The following ARHGAP44 variants were observed in gnomAD, a reference collection of about 807,000 sequenced individuals.
The protein encoded by ARHGAP44 is Rho GTPase activating protein 44, also known as rho GTPase-activating protein 44.
A neutral mutation model predicts 106.8 loss-of-function variants in ARHGAP44; 43 were observed. That is an observed-to-expected ratio of 0.40 (90% CI 0.32 to 0.52). The LOEUF (loss-of-function observed/expected upper bound fraction) is 0.52. Among genes scored for constraint, ARHGAP44 ranks in the 20% least tolerant of loss-of-function variants. ARHGAP44 has a pLI of 0.48. For missense variants in ARHGAP44, 866 were observed against 1,050.5 expected (o/e 0.82, Z 2.43); for synonymous variants, 439 against 410.3 (o/e 1.07, Z -0.85).
Position 12,955,848 on chromosome 17 carries a change from C to T in ARHGAP44, c.1137-19C>T, listed in dbSNP as rs1361102584. ...GTGTTGAGCCTTGGTTAAACCTGGC[C>T]CTTCTAATTTTCTTTTAGATACTTG... On this transcript the variant is annotated intron_variant, in intron 13 of 20. Transcript: ENST00000379672. The T allele has an allele frequency of 6.5e-7, 1 of 1,540,316 alleles. No homozygotes were observed. Among genetic ancestry groups the T allele is most frequent in the Admixed American group, 1.7e-5 (1 of 57,994 alleles).
At chr17:12,968,076 C>T (rs752859302) in intron 16 of ARHGAP44, among the ~76,000 whole-genome samples, 1 of 152,202 alleles carries the variant, frequency 6.6e-6, no homozygotes, top group Non-Finnish European at 1.5e-5. Context: ...GAGCAAAGCT[C>T]AGCACATGGT....
At chr17:12,906,988 A>C (rs2037570016) in intron 3 of ARHGAP44, among the ~76,000 whole-genome samples, 1 of 152,108 alleles carries the variant, frequency 6.6e-6, no homozygotes, top group African/African-American at 2.4e-5. Context: ...AGGAAAGAAG[A>C]AGAAAAGAGA....
At chr17:12,950,664 G>A (rs934022441) in intron 12 of ARHGAP44, among the ~76,000 whole-genome samples, 1 of 152,134 alleles carries the variant, frequency 6.6e-6, no homozygotes, top group African/African-American at 2.4e-5. Context: ...CAACAGCAGG[G>A]TGGGAGAATT....
intron 1 of ARHGAP44, among the ~76,000 whole-genome samples, chr17:12,811,034 C>T (rs1317808383): frequency 4.3e-4 from 66 of 151,964 alleles, no homozygotes; most frequent in Admixed American, 6.6e-5. Flanking sequence ...AAATCATGGC[C>T]GGGTGCGGTG....
chr17:12,952,772 C>T (rs1299297716), intron 13 of ARHGAP44, among the ~76,000 whole-genome samples, 191 bp downstream of exon 13: 1 of 124,438 alleles, frequency 8.0e-6, no homozygotes, highest in East Asian at 2.5e-4. Context: ...CTCACTGTGT[C>T]GCCCAGGCTG....
In ARHGAP44 at chr17:12,941,136, GA is replaced by G; in HGVS notation, c.651+15del. 1 of 1,613,308 alleles carries G rather than the reference GA, an allele frequency of 6.2e-7. No homozygotes were observed. The highest frequency in any genetic ancestry group is 1.3e-5 in the African/African-American group (1 of 75,034). The stretch of plus-strand genomic sequence containing the variant: ...ACTACTTTCAAACGGTAAGTGCCCA[GA>G]AAGGTGAGATTGCTTAAAGGCTGTT... On this transcript the variant is annotated intron_variant, in intron 8 of 20. Transcript: ENST00000379672.
intron 6 of ARHGAP44, among the ~76,000 whole-genome samples, chr17:12,924,793 A>G (rs890338076): frequency 1.3e-5 from 2 of 152,216 alleles, no homozygotes; most frequent in African/African-American, 4.8e-5. Flanking sequence ...TGCAAGTCAC[A>G]GATAGAGGTC....
rs540713278 is a variant in ARHGAP44, at chr17:12,933,887, C to T, written c.582+4841C>T. ...TTTTTGAGACGGTGTCTGGCTCTGT[C>T]GCCCAGGCTGGAGTGTGGTGGCACG... On this transcript the variant is annotated intron_variant, in intron 7 of 20. Transcript: ENST00000379672. Among the ~76,000 whole-genome samples, 10 of 147,140 alleles carry T rather than the reference C, an allele frequency of 6.8e-5. No individual in the cohort carries two copies. The East Asian group carries it at 1.6e-3, about 24-fold the overall frequency.
Position 12,981,400 on chromosome 17 carries a change from CTTT to C in ARHGAP44, c.1939+1179_1939+1181del, listed in dbSNP as rs113607267. 8.3e-3 allele frequency among the ~76,000 whole-genome samples: 1,212 copies of C among 145,816 alleles called. 54 individuals carry two copies. The East Asian group carries it at 0.13, about 15-fold the overall frequency. On this transcript the variant is annotated intron_variant, in intron 19 of 20. Coordinates refer to ENST00000379672, the MANE Select transcript of ARHGAP44 (RefSeq NM_014859.6). ...CTAGATGCCATATTCTTGGTTATGTCTTTTTTTTTTTTTTGAGACGAAGTCTTG... is the reference window on the plus strand; with the variant it reads ...CTAGATGCCATATTCTTGGTTATGTCTTTTTTTTTTTGAGACGAAGTCTTG...
chr17:12,935,069 G>A (rs1209574383), intron 7 of ARHGAP44, among the ~76,000 whole-genome samples: 1 of 152,154 alleles, frequency 6.6e-6, no homozygotes, highest in Non-Finnish European at 1.5e-5. Flanking sequence ...ATATCGGACA[G>A]AACTTAGATC....
chr17:12,829,992 T>C (rs968858137), intron 1 of ARHGAP44, among the ~76,000 whole-genome samples: 5 of 152,202 alleles, frequency 3.3e-5, no homozygotes, highest in Non-Finnish European at 7.3e-5. Flanking sequence ...TCAGTAAATA[T>C]TAGAATAAAT....
At chr17:12,854,050 C>T (rs2150853454) in intron 1 of ARHGAP44, among the ~76,000 whole-genome samples, 1 of 152,316 alleles carries the variant, frequency 6.6e-6, no homozygotes, top group East Asian at 1.9e-4. Flanking sequence ...TGCCTTGTGG[C>T]TTGGCAGAAC....
chr17:12,877,881 C>T (rs771654800), intron 1 of ARHGAP44, among the ~76,000 whole-genome samples: 3 of 152,232 alleles, frequency 2.0e-5, no homozygotes, highest in Admixed American at 6.5e-5. Context: ...TCAGAGAAGT[C>T]CTCCTTGCTT....
rs559495962 is a variant in ARHGAP44, at chr17:12,991,601, G to A, written c.*1430G>A. ...TTATCTTTAAATACATGTACAAATCGTTGTCAAAAGTAACGTTATTAAAAT... is the reference window on the plus strand; with the variant it reads ...TTATCTTTAAATACATGTACAAATCATTGTCAAAAGTAACGTTATTAAAAT... On this transcript the variant is annotated 3_prime_UTR_variant, in exon 21 of 21. Coordinates refer to ENST00000379672, the MANE Select transcript of ARHGAP44 (RefSeq NM_014859.6). 4 of 181,284 alleles carry A rather than the reference G, an allele frequency of 2.2e-5. No individual in the cohort carries two copies. The highest frequency in any genetic ancestry group is 2.0e-4 in the South Asian group (1 of 5,056). The allele number at this position is 181,284 out of a possible 1,614,324, so 11.2% of individuals were successfully genotyped here.
At chr17:12,959,114 A>G (rs1001071565) in intron 16 of ARHGAP44, 2 of 576,834 alleles carry the variant, frequency 3.5e-6, no homozygotes, top group African/African-American at 3.7e-5. Context: ...CTTAGCTGAC[A>G]CAGTTGTGAT....
At chr17:12,791,083 G>A (rs965287751) in intron 1 of ARHGAP44, among the ~76,000 whole-genome samples, 10 of 152,192 alleles carry the variant, frequency 6.6e-5, no homozygotes, top group Admixed American at 4.6e-4. Context: ...CTGAACTCCC[G>A]TCTGAGCATA....
chr17:12,886,617 T>C (rs991146313), intron 1 of ARHGAP44, among the ~76,000 whole-genome samples: 2 of 152,204 alleles, frequency 1.3e-5, no homozygotes, highest in Admixed American at 6.5e-5. Flanking sequence ...ATTATTAGTA[T>C]GTACAATTTA....
intron 1 of ARHGAP44, among the ~76,000 whole-genome samples, chr17:12,807,355 A>G (rs2034304228): frequency 6.6e-6 from 1 of 152,172 alleles, no homozygotes; most frequent in Non-Finnish European, 1.5e-5. Flanking sequence ...AGAGGGGAGA[A>G]CCAGATGTAG....
chr17:12,790,044 C>T (rs1597841233), intron 1 of ARHGAP44, 153 bp downstream of exon 1: 1 of 643,858 alleles, frequency 1.6e-6, no homozygotes, highest in East Asian at 3.5e-5. Flanking sequence ...GCAGGCGCGA[C>T]CCCTCCTCCC....
Sources: allele counts gnomAD v4.1 joint callset (sites outside exome capture counted in the v4.1 genomes callset), GRCh38; gene constraint gnomAD v4.1.1; transcripts MANE v1.5; gene names NCBI Gene and HGNC (gene_info 2026-07-23, HGNC 2026-07-21).